MARCHF4: variants seen among roughly 807,000 people sequenced by gnomAD.
MARCHF4 encodes the protein E3 ubiquitin-protein ligase MARCHF4.
In MARCHF4, 14 loss-of-function variants were observed where a neutral mutation model predicts 43.9. The observed-to-expected ratio is 0.32, with a 90% CI of 0.21 to 0.50. The LOEUF is 0.50. MARCHF4 is among the 20% of genes least tolerant of loss of function. MARCHF4 has a pLI of 0.98. For missense variants in MARCHF4, 468 were observed against 536.7 expected (o/e 0.87, Z 1.27); for synonymous variants, 226 against 213.3 (o/e 1.06, Z -0.52).
At chr2:216,337,726 C>T (rs530122851) in intron 1 of MARCHF4, among the ~76,000 whole-genome samples, 36 of 152,306 alleles carry the variant, frequency 2.4e-4, no homozygotes, top group African/African-American at 8.2e-4. Context: ...TCTTTCCCTT[C>T]CCTTCTTTAA....
chr2:216,342,904 G>C (rs959274118), intron 1 of MARCHF4, among the ~76,000 whole-genome samples: 2 of 152,018 alleles, frequency 1.3e-5, no homozygotes, highest in Middle Eastern at 3.4e-3. Context: ...CCTTCAGCAA[G>C]ACTGTGCTGT....
intron 2 of MARCHF4, among the ~76,000 whole-genome samples, chr2:216,283,299 C>T (rs995213919): frequency 6.6e-6 from 1 of 152,006 alleles, no homozygotes; most frequent in Non-Finnish European, 1.5e-5. Context: ...CTTATTCTCC[C>T]TTTTCCCTCT....
chr2:216,277,886 G>A, intron 2 of MARCHF4, 22 bp from the exon 3 acceptor site: 1 of 1,590,332 alleles, frequency 6.3e-7, no homozygotes, highest in Non-Finnish European at 8.6e-7. Flanking sequence ...AGAGTGGCCA[G>A]TTAGCAGTTG....
chr2:216,281,058 CTTTTTTTTTT>C (rs58189904), intron 2 of MARCHF4, among the ~76,000 whole-genome samples: 2 of 104,298 alleles, frequency 1.9e-5, no homozygotes, highest in Non-Finnish European at 1.9e-5. Flanking sequence ...TTTCTCACAA[CTTTTTTTTTT>C]TTTTTTTTTT....
chr2:216,268,806 T>C (rs1005493464), intron 3 of MARCHF4, among the ~76,000 whole-genome samples: 1 of 152,230 alleles, frequency 6.6e-6, no homozygotes, highest in Non-Finnish European at 1.5e-5. Context: ...GGTAGAGTCA[T>C]TTCTAGCTAG....
At chr2:216,340,464 G>T (rs573679846) in intron 1 of MARCHF4, among the ~76,000 whole-genome samples, 1 of 152,320 alleles carries the variant, frequency 6.6e-6, no homozygotes, top group African/African-American at 2.4e-5. Flanking sequence ...GAGGCCTGGG[G>T]TGTTCCAGGC....
intron 1 of MARCHF4, among the ~76,000 whole-genome samples, chr2:216,329,475 A>G (rs1025785319): frequency 2.0e-5 from 3 of 152,176 alleles, no homozygotes; most frequent in Non-Finnish European, 4.4e-5. Context: ...AATGGGAAAA[A>G]TATCAACTTA....
chr2:216,287,024 A>G (rs1221919488), intron 1 of MARCHF4, among the ~76,000 whole-genome samples: 1 of 152,190 alleles, frequency 6.6e-6, no homozygotes. Flanking sequence ...TCAGACGCTG[A>G]GCTTCACCAC....
chr2:216,372,057 C>T lies in MARCHF4; in HGVS notation c.-1797G>A, dbSNP rs1692779752. 6.6e-6 allele frequency: 1 copy of T among 152,270 alleles called. No individual in the cohort carries two copies. Among genetic ancestry groups the T allele is most frequent in the African/African-American group, 2.4e-5 (1 of 41,428 alleles). 9.4% of individuals were successfully genotyped at this position (152,270 alleles called of 1,614,324 possible). A position where few individuals can be genotyped will look rare whatever the true frequency, so the allele number is the denominator to read the frequency against. The stretch of plus-strand genomic sequence containing the variant: ...AGCCGGCACTTGGCTCCAGCTTGGT[C>T]CTCGCGACTCCCCAAAACCGTATAT... On this transcript the variant is annotated 5_prime_UTR_variant, in exon 1 of 4. Transcript: ENST00000273067.
At chr2:216,346,881 AG>A (rs1330214602) in intron 1 of MARCHF4, among the ~76,000 whole-genome samples, 2 of 152,106 alleles carry the variant, frequency 1.3e-5, no homozygotes, top group African/African-American at 4.8e-5. Flanking sequence ...CCAGTGTTAG[AG>A]GTGGGGCCTG....
chr2:216,320,702 A>T (rs13402349), intron 1 of MARCHF4, among the ~76,000 whole-genome samples: 8,568 of 118,066 alleles, frequency 0.073, 971 homozygotes, highest in African/African-American at 0.26. Context: ...ATGGAGTCCC[A>T]CTCTGTCACC....
At chr2:216,332,183 G>C (rs1692089547) in intron 1 of MARCHF4, among the ~76,000 whole-genome samples, 1 of 152,104 alleles carries the variant, frequency 6.6e-6, no homozygotes, top group Admixed American at 6.5e-5. Context: ...TTGAGCCCAG[G>C]AATTTGAGAT....
At chr2:216,272,787 C>T (rs1033958080) in intron 3 of MARCHF4, among the ~76,000 whole-genome samples, 1 of 152,226 alleles carries the variant, frequency 6.6e-6, no homozygotes, top group Non-Finnish European at 1.5e-5. Context: ...AGTTAGGACC[C>T]TAAGCTAAGA....
intron 3 of MARCHF4, among the ~76,000 whole-genome samples, chr2:216,275,357 A>G (rs1233363995): frequency 1.3e-5 from 2 of 152,186 alleles, no homozygotes; most frequent in Non-Finnish European, 2.9e-5. Flanking sequence ...GGAGGCTCAG[A>G]GCCATGGGGA....
chr2:216,356,269 A>C (rs1692501525), intron 1 of MARCHF4, among the ~76,000 whole-genome samples: 1 of 152,216 alleles, frequency 6.6e-6, no homozygotes, highest in African/African-American at 2.4e-5. Context: ...CTGGCCCCTC[A>C]ACACTGCACT....
chr2:216,272,563 G>T (rs555218610), intron 3 of MARCHF4, among the ~76,000 whole-genome samples: 1 of 152,316 alleles, frequency 6.6e-6, no homozygotes, highest in East Asian at 1.9e-4. Context: ...AGAAGTTCTT[G>T]GTCCAATCCT....
intron 1 of MARCHF4, among the ~76,000 whole-genome samples, chr2:216,308,336 A>G (rs1691623499): frequency 6.6e-6 from 1 of 151,854 alleles, no homozygotes; most frequent in Admixed American, 6.5e-5. Flanking sequence ...CCAAGGAGGC[A>G]GAGTTTCCAG....
At position 216,362,258 on chromosome 2, in the gene MARCHF4, C is replaced by T. The variant is rs1421905072; in HGVS notation, c.516+7487G>A. Reference sequence around the variant, plus strand: ...TGAGATTGCAAGGGGTCATCCATACCCTCATTGCTTGGCCTTTTCGTTTAT... The same window carrying T: ...TGAGATTGCAAGGGGTCATCCATACTCTCATTGCTTGGCCTTTTCGTTTAT... On this transcript the variant is annotated intron_variant, in intron 1 of 3. Coordinates refer to ENST00000273067, the MANE Select transcript of MARCHF4 (RefSeq NM_020814.3). Among the ~76,000 whole-genome samples the T allele has an allele frequency of 2.6e-5, 4 of 152,220 alleles. No homozygotes were observed. In the East Asian group the frequency reaches 7.7e-4, roughly 29 times the overall value.
chr2:216,321,371 C>A (rs936871883), intron 1 of MARCHF4, among the ~76,000 whole-genome samples: 2 of 152,044 alleles, frequency 1.3e-5, no homozygotes, highest in African/African-American at 4.8e-5. Flanking sequence ...TCCATAATAT[C>A]TAAAATAACA....
Sources: allele counts gnomAD v4.1 joint callset (sites outside exome capture counted in the v4.1 genomes callset), GRCh38; gene constraint gnomAD v4.1.1; transcripts MANE v1.5; gene names NCBI Gene and HGNC (gene_info 2026-07-23, HGNC 2026-07-21).